Variants in ATXN10 observed in about 807,000 individuals in gnomAD.
The protein encoded by ATXN10 is ataxin 10.
ATXN10 carries 28 observed loss-of-function variants against 52.9 expected under a neutral mutation model. The observed-to-expected ratio is 0.53, with a 90% CI of 0.39 to 0.73. The LOEUF (loss-of-function observed/expected upper bound fraction) is 0.73, where lower values mean the gene tolerates loss of function less well. Ranked by LOEUF, ATXN10 falls within the 30% of genes least tolerant of loss-of-function variation. The pLI is 0.00. For missense variants in ATXN10, 565 were observed against 577.0 expected (o/e 0.98, Z 0.21); for synonymous variants, 226 against 221.5 (o/e 1.02, Z -0.18).
chr22:45,699,490 CTTTTTTT>C (rs917191404), intron 3 of ATXN10, among the ~76,000 whole-genome samples: 3 of 117,280 alleles, frequency 2.6e-5, no homozygotes, highest in South Asian at 5.4e-4. Flanking sequence ...TTTTTCTTTC[CTTTTTTT>C]TTTTTTTTTT....
chr22:45,707,331 C>T (rs2061832418), intron 5 of ATXN10, among the ~76,000 whole-genome samples: 1 of 151,982 alleles, frequency 6.6e-6, no homozygotes, highest in South Asian at 2.1e-4. Flanking sequence ...TGAAATTATA[C>T]CTAATTTTGA....
At chr22:45,731,415 C>T (rs1028972425) in intron 7 of ATXN10, among the ~76,000 whole-genome samples, 9 of 152,190 alleles carry the variant, frequency 5.9e-5, no homozygotes, top group Admixed American at 1.3e-4. Context: ...TATACCTTGA[C>T]ACAACTTTGT....
Position 45,816,566 on chromosome 22 carries a change from G to A in ATXN10, c.1237+9544G>A, listed in dbSNP as rs1444480752. 6.6e-6 allele frequency among the ~76,000 whole-genome samples: 1 copy of A among 152,204 alleles called. No individual in the cohort carries two copies. The highest frequency in any genetic ancestry group is 6.5e-5 in the Admixed American group (1 of 15,286). ...CCCAAGGAAAGTTTATCCCAGGTGG[G>A]AACTATGTCATCTTGTTCCTGTACC... On this transcript the variant is annotated intron_variant, in intron 10 of 11. Transcript: ENST00000252934. This position sits in a 1 kb window ranked among gnomAD's most constrained non-coding sequence, Gnocchi z 5.8.
chr22:45,745,788 TTGAA>T (rs1162818541), intron 9 of ATXN10, among the ~76,000 whole-genome samples: 2 of 152,226 alleles, frequency 1.3e-5, no homozygotes, highest in African/African-American at 4.8e-5. Flanking sequence ...GTAAAATAAA[TTGAA>T]TGTTGAATGT....
intron 9 of ATXN10, among the ~76,000 whole-genome samples, chr22:45,741,261 C>G (rs1212554711): frequency 6.6e-6 from 1 of 152,176 alleles, no homozygotes; most frequent in Non-Finnish European, 1.5e-5. Flanking sequence ...TTGCCACTCC[C>G]CTGTCGAGGG....
At chr22:45,695,529 G>A (rs982570869) in intron 3 of ATXN10, among the ~76,000 whole-genome samples, 7 of 142,998 alleles carry the variant, frequency 4.9e-5, no homozygotes, top group African/African-American at 1.0e-4. Context: ...TTACTCTGTC[G>A]CCCAGGCTGG....
At chr22:45,680,733 C>T (rs1325500671) in intron 1 of ATXN10, among the ~76,000 whole-genome samples, 4 of 151,674 alleles carry the variant, frequency 2.6e-5, no homozygotes, top group Non-Finnish European at 5.9e-5. Flanking sequence ...CATAGTATTG[C>T]GATTACAGGT....
intron 9 of ATXN10, among the ~76,000 whole-genome samples, chr22:45,773,445 A>ATTATTTATTTATTTATTTATTTAT (rs111706438): frequency 3.7e-4 from 56 of 149,376 alleles, no homozygotes; most frequent in African/African-American, 1.3e-3. Context: ...TGAATGAAGA[A>ATTATTTATTTATTTATTTATTTAT]TTATTTATTT....
rs1436635370 is a variant in ATXN10 at position 45,689,792 on chromosome 22, G to C, written c.197G>C (p.Arg66Thr). Residue 66 changes from arginine to threonine, a missense_variant, in exon 2 of 12, where the codon AGA (arginine) becomes ACA (threonine). By Grantham distance (71) the Arg-to-Thr change is moderately conservative. Transcript: ENST00000252934. ...KSSHAVELAC[R>T]DPSQVENLAS... ...TCTCATGCTGTTGAGCTTGCCTGCA[G>C]AGATCCATCCCAAGTGGAAAACCTG... 1 of 1,614,204 alleles carries C rather than the reference G, an allele frequency of 6.2e-7. No individual in the cohort carries two copies. The highest frequency in any genetic ancestry group is 1.1e-5 in the South Asian group (1 of 91,086).
chr22:45,713,497 C>T (rs539192874), intron 5 of ATXN10, among the ~76,000 whole-genome samples: 1 of 152,114 alleles, frequency 6.6e-6, no homozygotes, highest in Non-Finnish European at 1.5e-5. Flanking sequence ...CAGAGTTCTC[C>T]TATATGACCG....
At chr22:45,719,049 G>C (rs1310848244) in intron 6 of ATXN10, among the ~76,000 whole-genome samples, 2 of 150,168 alleles carry the variant, frequency 1.3e-5, no homozygotes, top group East Asian at 3.9e-4. Context: ...GTGTGTGTGT[G>C]TATTTTTTTT....
At chr22:45,742,316 A>G (rs77325471) in intron 9 of ATXN10, among the ~76,000 whole-genome samples, 184 of 152,310 alleles carry the variant, frequency 1.2e-3, no homozygotes, top group African/African-American at 4.1e-3. Context: ...CCTGTTCTCA[A>G]TTGAAAAGAT....
At position 45,828,939 on chromosome 22, in the gene ATXN10, G is replaced by A. The variant is rs917701402; in HGVS notation, c.1238-14052G>A. Among the ~76,000 whole-genome samples the A allele has an allele frequency of 6.6e-6, 1 of 152,106 alleles. No homozygotes were observed. Among genetic ancestry groups the A allele is most frequent in the Non-Finnish European group, 1.5e-5 (1 of 68,002 alleles). Reference sequence around the variant, plus strand: ...AAGCCAGCATTTCCCTGGTACAAAAGCTAGACAGAGACACTACAAGAAAAC... The same window carrying A: ...AAGCCAGCATTTCCCTGGTACAAAAACTAGACAGAGACACTACAAGAAAAC... On this transcript the variant is annotated intron_variant, in intron 10 of 11. Transcript: ENST00000252934. The surrounding 1 kb of genome is among the most constrained non-coding windows in gnomAD (Gnocchi z 4.5).
At chr22:45,778,112 A>G (rs1373751792) in intron 9 of ATXN10, among the ~76,000 whole-genome samples, 2 of 152,206 alleles carry the variant, frequency 1.3e-5, no homozygotes, top group Non-Finnish European at 2.9e-5. Context: ...TTTATTTTCT[A>G]GCCCTTTACA....
At chr22:45,706,184 C>T (rs1445448770) in intron 5 of ATXN10, among the ~76,000 whole-genome samples, 3 of 152,170 alleles carry the variant, frequency 2.0e-5, no homozygotes, top group Admixed American at 1.3e-4. Context: ...TCTAGGCTGT[C>T]TAATTTGTTG....
Position 45,742,589 on chromosome 22 carries a change from A to C in ATXN10, c.1173+2051A>C, listed in dbSNP as rs183612458. 2.6e-3 allele frequency among the ~76,000 whole-genome samples: 396 copies of C among 152,324 alleles called. 1 individual carries two copies. Among genetic ancestry groups the C allele is most frequent in the Non-Finnish European group, 3.5e-3 (235 of 68,010 alleles). On this transcript the variant is annotated intron_variant, in intron 9 of 11. Transcript: ENST00000252934. Reference sequence around the variant, plus strand: ...AAGAAAGATCACAGAGGAAAGAGCCAGTACACTTTAAGATACATCAGTAGA... The same window carrying C: ...AAGAAAGATCACAGAGGAAAGAGCCCGTACACTTTAAGATACATCAGTAGA...
chr22:45,672,157 C>T lies in ATXN10; in HGVS notation c.94C>T (p.Leu32Phe), dbSNP rs1484722690. 1.3e-6 allele frequency: 2 copies of T among 1,538,986 alleles called. No homozygotes were observed. Among genetic ancestry groups the T allele is most frequent in the African/African-American group, 1.4e-5 (1 of 72,680 alleles). The change falls in exon 1 of 12, where the codon CTC becomes TTC. Residue 32 changes from leucine to phenylalanine, a missense_variant. Coordinates refer to ENST00000252934, the MANE Select transcript of ATXN10 (RefSeq NM_013236.4). ...GGAGGCCCTGCGCGCGCTCACGGCG[C>T]TCTTCAAAGAGCAGCGGAACCGGTA... is the stretch of plus-strand genomic sequence containing the variant. ...DLEALRALTA[L>F]FKEQRNRETA... is the part of the protein sequence containing the mutation.
rs942001836 is a variant in ATXN10 at position 45,783,034 on chromosome 22, C to T, written c.1174-23925C>T. 2.6e-5 allele frequency among the ~76,000 whole-genome samples: 4 copies of T among 152,220 alleles called. No individual in the cohort carries two copies. The highest frequency in any genetic ancestry group is 2.6e-4 in the Admixed American group (4 of 15,284). On this transcript the variant is annotated intron_variant, in intron 9 of 11. Coordinates refer to ENST00000252934, the MANE Select transcript of ATXN10 (RefSeq NM_013236.4). The surrounding 1 kb of genome is among the most constrained non-coding windows in gnomAD (Gnocchi z 5.0). ...TGGTTCATACTATTGATCTTAGCAA[C>T]CTCAGCATACAGTTTTTTTCTTAAG...
intron 9 of ATXN10, among the ~76,000 whole-genome samples, chr22:45,753,336 C>A (rs541811482): frequency 7.1e-4 from 99 of 139,470 alleles, no homozygotes; most frequent in Non-Finnish European, 1.3e-3. Flanking sequence ...CTTTTGTTTT[C>A]ATCTCCTCGG....
Sources: allele counts gnomAD v4.1 joint callset (sites outside exome capture counted in the v4.1 genomes callset), GRCh38; gene constraint gnomAD v4.1.1; non-coding constraint Gnocchi (gnomAD v3.1); transcripts MANE v1.5; gene names NCBI Gene and HGNC (gene_info 2026-07-23, HGNC 2026-07-21).